Variants in NEDD9 observed in about 807,000 individuals in gnomAD.
The protein encoded by NEDD9 is neural precursor cell expressed, developmentally down-regulated 9.
In NEDD9, 26 loss-of-function variants were observed where a neutral mutation model predicts 76.6. The observed-to-expected ratio is 0.34, with a 90% CI of 0.25 to 0.47. NEDD9 has a LOEUF of 0.47. Among genes scored for constraint, NEDD9 ranks in the 20% least tolerant of loss-of-function variants. The probability of loss-of-function intolerance (pLI) is 1.00; values close to 1 mark genes in which losing one functional copy is unlikely to be tolerated. For synonymous variants in NEDD9, 392 were observed against 414.2 expected (o/e 0.95, Z 0.65); for missense variants, 937 against 1,058.5 (o/e 0.89, Z 1.59).
chr6:11,317,146 T>G (rs748679818), intron 2 of NEDD9, among the ~76,000 whole-genome samples: 1 of 151,974 alleles, frequency 6.6e-6, no homozygotes, highest in Non-Finnish European at 1.5e-5. Context: ...TTAAATGAGA[T>G]AGGGGGCCAG....
intron 1 of NEDD9, among the ~76,000 whole-genome samples, chr6:11,337,872 GT>G (rs1762195453): frequency 6.6e-6 from 1 of 152,130 alleles, no homozygotes; most frequent in East Asian, 1.9e-4. Flanking sequence ...ATGGTAGTGC[GT>G]TAAAAAATAT....
chr6:11,209,921 G>C (rs925666313), intron 2 of NEDD9, among the ~76,000 whole-genome samples: 7 of 151,414 alleles, frequency 4.6e-5, no homozygotes, highest in African/African-American at 1.7e-4. Flanking sequence ...GTAGAGGTTG[G>C]AGTTTCCAAG....
intron 3 of NEDD9, chr6:11,271,433 G>T (rs1440108776): frequency 1.3e-5 from 2 of 152,270 alleles, no homozygotes; most frequent in Admixed American, 6.5e-5. Flanking sequence ...GTTGCAGAAA[G>T]ATCTGGTAGC....
intron 3 of NEDD9, among the ~76,000 whole-genome samples, chr6:11,260,166 A>G (rs1166207477): frequency 6.6e-6 from 1 of 152,222 alleles, no homozygotes; most frequent in Non-Finnish European, 1.5e-5. Context: ...CAGGCCTAGC[A>G]TCATTGGCCA....
At chr6:11,204,021 T>TAGGGG (rs1450499984) in intron 2 of NEDD9, among the ~76,000 whole-genome samples, 5 of 152,126 alleles carry the variant, frequency 3.3e-5, no homozygotes, top group African/African-American at 7.2e-5. Flanking sequence ...ATTAAACTGT[T>TAGGGG]AAAGTGATTC....
intron 1 of NEDD9, among the ~76,000 whole-genome samples, chr6:11,355,715 G>GT (rs78276796): frequency 6.8e-4 from 100 of 147,562 alleles, no homozygotes; most frequent in Admixed American, 1.4e-3. Context: ...AGAGCTTTAG[G>GT]TTTTTTTTTT....
chr6:11,295,926 C>A (rs1582004740), intron 3 of NEDD9, among the ~76,000 whole-genome samples: 1 of 152,180 alleles, frequency 6.6e-6, no homozygotes, highest in South Asian at 2.1e-4. Flanking sequence ...GTGACCCCCA[C>A]CCCAAATTCA....
chr6:11,288,366 C>A (rs11961194), intron 3 of NEDD9, among the ~76,000 whole-genome samples: 6,027 of 152,268 alleles, frequency 0.04, 410 homozygotes, highest in African/African-American at 0.13. Context: ...TAATTAAATT[C>A]GTCTATACAA....
At chr6:11,246,053 G>T (rs992219089) in intron 3 of NEDD9, among the ~76,000 whole-genome samples, 3 of 151,568 alleles carry the variant, frequency 2.0e-5, no homozygotes, top group African/African-American at 7.3e-5. Flanking sequence ...TATTTTTTTC[G>T]GGTGGGGGAG....
intron 2 of NEDD9, among the ~76,000 whole-genome samples, chr6:11,317,000 A>G (rs1358268481): frequency 6.6e-6 from 1 of 152,200 alleles, no homozygotes; most frequent in African/African-American, 2.4e-5. Flanking sequence ...CAATGGGGAG[A>G]GAATCTGTAA....
chr6:11,266,778 T>G (rs1760209867), intron 3 of NEDD9, among the ~76,000 whole-genome samples: 1 of 152,180 alleles, frequency 6.6e-6, no homozygotes, highest in South Asian at 2.1e-4. Flanking sequence ...GTCTCTGATC[T>G]CAACCCTACT....
chr6:11,232,465 T>C (rs752179582), intron 1 of NEDD9, 39 bp downstream of exon 1: 2 of 1,613,764 alleles, frequency 1.2e-6, no homozygotes, highest in Non-Finnish European at 1.7e-6. Context: ...AGGCACAGCT[T>C]TCAGCTTGCA....
rs1362353559 is a variant in NEDD9 at position 11,283,020 on chromosome 6, T to A, written c.12+22972A>T. 2.0e-5 allele frequency among the ~76,000 whole-genome samples: 3 copies of A among 152,358 alleles called. No homozygotes were observed. The East Asian group carries it at 5.8e-4, about 29-fold the overall frequency. ...TTATTGCAACCATACAGGCTTCTTT[T>A]ATTTTCCTCAAACACTTTGAGCAAA... On this transcript the variant is annotated intron_variant, in intron 3 of 3. Transcript: ENST00000397378.
chr6:11,221,276 G>A (rs1167519188), intron 1 of NEDD9, among the ~76,000 whole-genome samples: 1 of 151,892 alleles, frequency 6.6e-6, no homozygotes, highest in Non-Finnish European at 1.5e-5. Flanking sequence ...TCAGTTACTC[G>A]GGAGGCTGAG....
chr6:11,209,366 T>C (rs1209195143), intron 2 of NEDD9, among the ~76,000 whole-genome samples: 1 of 152,200 alleles, frequency 6.6e-6, no homozygotes, highest in Non-Finnish European at 1.5e-5. Context: ...TGTCAGCGTA[T>C]ATGGTTTTCA....
intron 3 of NEDD9, among the ~76,000 whole-genome samples, chr6:11,267,367 A>G (rs558844660): frequency 6.6e-6 from 1 of 151,308 alleles, no homozygotes; most frequent in Non-Finnish European, 1.5e-5. Context: ...AAGCTTTGAT[A>G]AGGTCAGATG....
At chr6:11,271,886 T>C (rs1464675076) in intron 3 of NEDD9, 3 of 152,196 alleles carry the variant, frequency 2.0e-5, no homozygotes, top group Non-Finnish European at 4.4e-5. Context: ...ATGACAATAT[T>C]ATACAGAGCT....
chr6:11,248,029 T>A lies in NEDD9; in HGVS notation c.13-34302A>T, dbSNP rs532052663. Among the ~76,000 whole-genome samples the A allele has an allele frequency of 7.9e-5, 12 of 152,264 alleles. No homozygotes were observed. The South Asian group carries it at 1.5e-3, about 18-fold the overall frequency. On this transcript the variant is annotated intron_variant, in intron 3 of 3. Coordinates refer to the NEDD9 transcript ENST00000397378. ...TTATCTTCATTTTTAAGGGTTTTTTTAAAACTCATAAAGAGTTAAAAAAAG... is the reference window on the plus strand; with the variant it reads ...TTATCTTCATTTTTAAGGGTTTTTTAAAAACTCATAAAGAGTTAAAAAAAG...
chr6:11,262,513 C>T (rs148052731), intron 3 of NEDD9, among the ~76,000 whole-genome samples: 2 of 152,314 alleles, frequency 1.3e-5, no homozygotes, highest in East Asian at 3.9e-4. Flanking sequence ...TTGTTCACTT[C>T]CCAGATTCTC....
Sources: allele counts gnomAD v4.1 joint callset (sites outside exome capture counted in the v4.1 genomes callset), GRCh38; gene constraint gnomAD v4.1.1; transcripts MANE v1.5; gene names NCBI Gene and HGNC (gene_info 2026-07-23, HGNC 2026-07-21).